GNL1: variants seen among roughly 807,000 people sequenced by gnomAD.
GNL1 encodes the protein G protein nucleolar 1, also known as guanine nucleotide-binding protein-like 1.
In GNL1, 21 loss-of-function variants were observed where a neutral mutation model predicts 75.2. That is an observed-to-expected ratio of 0.28 (90% CI 0.20 to 0.40). The LOEUF (loss-of-function observed/expected upper bound fraction) is 0.40. Among genes scored for constraint, GNL1 ranks in the 10% least tolerant of loss-of-function variants. The pLI, the probability that GNL1 is intolerant of heterozygous loss-of-function variation, is 1.00. For missense variants in GNL1, 579 were observed against 775.0 expected, an observed-to-expected ratio of 0.75 and a Z score of 3.00; for synonymous variants, 287 against 303.4, an observed-to-expected ratio of 0.95 and a Z score of 0.56.
At chr6:30,553,602 A>G in intron 5 of GNL1, 45 bp from the exon 6 acceptor site, 5 of 1,386,700 alleles carry the variant, frequency 3.6e-6, no homozygotes, top group Non-Finnish European at 5.1e-6. Context: ...AAGTCAACCC[A>G]GAGTTCTCTG....
chr6:30,550,407 C>T (rs1799702095), intron 8 of GNL1, among the ~76,000 whole-genome samples: 1 of 152,140 alleles, frequency 6.6e-6, no homozygotes, highest in African/African-American at 2.4e-5. Flanking sequence ...TTTATCCTCA[C>T]TTTCCTTCAC....
At position 30,556,282 on chromosome 6, in the gene GNL1, C is replaced by T; in HGVS notation, c.-79G>A. The T allele has an allele frequency of 6.4e-7, 1 of 1,551,000 alleles. No individual in the cohort carries two copies. The highest frequency in any genetic ancestry group is 8.8e-7 in the Non-Finnish European group (1 of 1,140,928). On this transcript the variant is annotated 5_prime_UTR_variant, in exon 1 of 12. Transcript: ENST00000376621. The surrounding 1 kb of genome is among the most constrained non-coding windows in gnomAD (Gnocchi z 5.7). ...GACTGCCCCCCGGGGCAGCCCCCGC[C>T]GCAGGGGCCCGGGACCCTAGAGGAG...
rs776151022 is a variant in GNL1, at chr6:30,555,033, T to C, written c.376+22A>G. On this transcript the variant is annotated intron_variant, in intron 3 of 11. Transcript: ENST00000376621. The surrounding 1 kb of genome is among the most constrained non-coding windows in gnomAD (Gnocchi z 4.3). Reference sequence around the variant, plus strand: ...TTTCCAAACTCCTTCCCCAGCCCAATGCCTGTCTTGCTCTCACTCACCTGA... The same window carrying C: ...TTTCCAAACTCCTTCCCCAGCCCAACGCCTGTCTTGCTCTCACTCACCTGA... 3.3e-5 allele frequency: 54 copies of C among 1,612,782 alleles called. No individual in the cohort carries two copies. The highest frequency in any genetic ancestry group is 4.4e-5 in the Non-Finnish European group (52 of 1,179,938).
intron 5 of GNL1, among the ~76,000 whole-genome samples, chr6:30,553,961 TTG>T (rs1198051002): frequency 3.9e-5 from 6 of 152,210 alleles, no homozygotes; most frequent in Non-Finnish European, 8.8e-5. Context: ...GTGTGCATGT[TTG>T]TGTGTTAATG....
Position 30,544,546 on chromosome 6 carries a change from A to T in GNL1, c.*1526T>A, listed in dbSNP as rs965137773. ...AGAGCCCCAGATGGGAGACAGGTGGATTTTTCTCTCAGCTGGGACCTTTTC... is the reference window on the plus strand; with the variant it reads ...AGAGCCCCAGATGGGAGACAGGTGGTTTTTTCTCTCAGCTGGGACCTTTTC... On this transcript the variant is annotated 3_prime_UTR_variant, in exon 12 of 12. Coordinates refer to ENST00000376621, the MANE Select transcript of GNL1 (RefSeq NM_005275.5). 5.3e-5 allele frequency: 8 copies of T among 152,096 alleles called. No homozygotes were observed. In the East Asian group the frequency reaches 1.3e-3, roughly 26 times the overall value. The allele number at this position is 152,096 out of a possible 1,614,324, so 9.4% of individuals were successfully genotyped here.
chr6:30,551,186 C>A (rs912471839), intron 8 of GNL1, among the ~76,000 whole-genome samples: 2 of 152,116 alleles, frequency 1.3e-5, no homozygotes, highest in Non-Finnish European at 2.9e-5. Context: ...GGTGCCTGTG[C>A]CACAGCAAAC....
At position 30,541,830 on chromosome 6, in the gene GNL1, A is replaced by C. The variant is rs1799184191; in HGVS notation, c.*4242T>G. The stretch of plus-strand genomic sequence containing the variant: ...AGCCGTATCAGTGCGAACCAGCTGA[A>C]TGTCAGCGCTGTTCCCTCCTGTGAC... On this transcript the variant is annotated 3_prime_UTR_variant, in exon 12 of 12. Transcript: ENST00000376621. 1.3e-5 allele frequency: 2 copies of C among 152,168 alleles called. No homozygotes were observed. Among genetic ancestry groups the C allele is most frequent in the African/African-American group, 4.8e-5 (2 of 41,420 alleles). The allele number at this position is 152,168 out of a possible 1,614,324, so 9.4% of individuals were successfully genotyped here.
In GNL1 at chr6:30,546,310, G is replaced by C; in HGVS notation, c.1586C>G (p.Thr529Ser). 6.3e-7 allele frequency: 1 copy of C among 1,590,992 alleles called. No individual in the cohort carries two copies. The highest frequency in any genetic ancestry group is 8.6e-7 in the Non-Finnish European group (1 of 1,169,106). Residue 529 changes from threonine (T) to serine (S), a missense_variant, in exon 12 of 12, where the codon ACC (threonine) becomes AGC (serine). Coordinates refer to ENST00000376621, the MANE Select transcript of GNL1 (RefSeq NM_005275.5). The surrounding 1 kb of genome is among the most constrained non-coding windows in gnomAD (Gnocchi z 5.1). ...HPPGYSEQKG[T>S]WESHPETTEL... ...CGTGGTCTCTGGATGGGACTCCCAG[G>C]TGCCTGGGGAACCAAAACAAGAAAA...
intron 4 of GNL1, 25 bp downstream of exon 4, chr6:30,554,739 T>A: frequency 6.2e-7 from 1 of 1,611,758 alleles, no homozygotes; most frequent in Non-Finnish European, 8.5e-7. Flanking sequence ...TATGCCCCAC[T>A]CCTGTCCCTA....
chr6:30,552,335 C>G lies in GNL1; in HGVS notation c.1099+132G>C. On this transcript the variant is annotated intron_variant, in intron 8 of 11. Transcript: ENST00000376621. The surrounding 1 kb of genome is among the most constrained non-coding windows in gnomAD (Gnocchi z 4.5). ...CAGCAGACGCCTCTTCTGCCTTGCC[C>G]ACCGCCACTGGCAGAGATCACCCCT... The G allele has an allele frequency of 1.5e-6, 1 of 688,734 alleles. No individual in the cohort carries two copies. The highest frequency in any genetic ancestry group is 2.0e-5 in the South Asian group (1 of 48,988). The allele number at this position is 688,734 out of a possible 1,614,324, so 42.7% of individuals were successfully genotyped here. A position where few individuals can be genotyped will look rare whatever the true frequency, so the allele number is the denominator to read the frequency against.
In GNL1 at chr6:30,555,439, G is replaced by C; in HGVS notation, c.239+116C>G. ...CGCTGTGGGGAGCCGAGTGGCTAGCGGAGAACTGTGGCATCCCAGGCCCAC... is the reference window on the plus strand; with the variant it reads ...CGCTGTGGGGAGCCGAGTGGCTAGCCGAGAACTGTGGCATCCCAGGCCCAC... On this transcript the variant is annotated intron_variant, in intron 2 of 11. Transcript: ENST00000376621. The surrounding 1 kb of genome is among the most constrained non-coding windows in gnomAD (Gnocchi z 4.3). 9.2e-7 allele frequency: 1 copy of C among 1,089,538 alleles called. No individual in the cohort carries two copies. The highest frequency in any genetic ancestry group is 1.3e-6 in the Non-Finnish European group (1 of 746,954). The allele number at this position is 1,089,538 out of a possible 1,614,324, so 67.5% of individuals were successfully genotyped here.
At chr6:30,550,074 C>A (rs181496234) in intron 8 of GNL1, among the ~76,000 whole-genome samples, 1 of 152,296 alleles carries the variant, frequency 6.6e-6, no homozygotes, top group East Asian at 1.9e-4. Flanking sequence ...GATCCACCTG[C>A]CTCAGCCTCC....
At position 30,543,629 on chromosome 6, in the gene GNL1, G is replaced by A. The variant is rs1364943565; in HGVS notation, c.*2443C>T. The A allele has an allele frequency of 2.0e-5, 3 of 152,090 alleles. No individual in the cohort carries two copies. The allele number at this position is 152,090 out of a possible 1,614,324, so 9.4% of individuals were successfully genotyped here. On this transcript the variant is annotated 3_prime_UTR_variant, in exon 12 of 12. Coordinates refer to ENST00000376621, the MANE Select transcript of GNL1 (RefSeq NM_005275.5). ...TCTATTCCTACCCTCTATTGCTTGA[G>A]AGTAGGATATTGCCTTATTCAATTT...
In GNL1 at chr6:30,554,750, G is replaced by A; in HGVS notation, c.528+14C>T. On this transcript the variant is annotated intron_variant, in intron 4 of 11. Coordinates refer to ENST00000376621, the MANE Select transcript of GNL1 (RefSeq NM_005275.5). ...TCACTATGCCCCACTCCTGTCCCTAGAGTACACTGTCACCTCCAGATTGTG... is the reference window on the plus strand; with the variant it reads ...TCACTATGCCCCACTCCTGTCCCTAAAGTACACTGTCACCTCCAGATTGTG... 1 of 1,612,452 alleles carries A rather than the reference G, an allele frequency of 6.2e-7. No homozygotes were observed. Among genetic ancestry groups the A allele is most frequent in the African/African-American group, 1.3e-5 (1 of 75,002 alleles).
rs1416693427 is a variant in GNL1 at position 30,552,236 on chromosome 6, CA to C, written c.1099+230del. On this transcript the variant is annotated intron_variant, in intron 8 of 11. Transcript: ENST00000376621. This position sits in a 1 kb window ranked among gnomAD's most constrained non-coding sequence, Gnocchi z 4.5. ...TCAAAGTAACTAAGACTCAGAGTAG[CA>C]AAATCACTTACTCAAGACCTCACAG... 4.3e-5 allele frequency: 21 copies of C among 488,716 alleles called. No individual in the cohort carries two copies. The highest frequency in any genetic ancestry group is 6.9e-5 in the Non-Finnish European group (19 of 276,166). 30.3% of individuals were successfully genotyped at this position (488,716 alleles called of 1,614,324 possible). A position where few individuals can be genotyped will look rare whatever the true frequency, so the allele number is the denominator to read the frequency against.
At position 30,541,819 on chromosome 6, in the gene GNL1, G is replaced by A. The variant is rs1372644875; in HGVS notation, c.*4253C>T. On this transcript the variant is annotated 3_prime_UTR_variant, in exon 12 of 12. Coordinates refer to ENST00000376621, the MANE Select transcript of GNL1 (RefSeq NM_005275.5). ...CAAACTGGTTGAGCCGTATCAGTGC[G>A]AACCAGCTGAATGTCAGCGCTGTTC... The A allele has an allele frequency of 6.6e-6, 1 of 152,152 alleles. No homozygotes were observed. The highest frequency in any genetic ancestry group is 2.4e-5 in the African/African-American group (1 of 41,424). The allele number at this position is 152,152 out of a possible 1,614,324, so 9.4% of individuals were successfully genotyped here.
Position 30,546,739 on chromosome 6 carries a change from G to A in GNL1, c.1539C>T (p.Arg513=). 2 of 1,610,460 alleles carry A rather than the reference G, an allele frequency of 1.2e-6. No individual in the cohort carries two copies. The highest frequency in any genetic ancestry group is 1.1e-5 in the South Asian group (1 of 91,030). The change falls in exon 11 of 12, where the codon CGC becomes CGT. Residue 513 remains arginine (R), a synonymous_variant. Transcript: ENST00000376621. The surrounding 1 kb of genome is among the most constrained non-coding windows in gnomAD (Gnocchi z 5.1). ...CTGGGGGATGAAAACACAGGCTGAG[G>A]CGGCCGTCCACTGCCAGCCGCAAGA... ...NSLLRLAVDG[R]LSLCFHPPGY... is the part of the protein sequence containing the mutation.
In GNL1 at chr6:30,556,056, G is replaced by T; in HGVS notation, c.73+75C>A. ...CGACCCCCTCCCACGATCCCCAGAG[G>T]TGCAGCGGGCACACCCCTCCTTCCA... On this transcript the variant is annotated intron_variant, in intron 1 of 11. Transcript: ENST00000376621. This position sits in a 1 kb window ranked among gnomAD's most constrained non-coding sequence, Gnocchi z 5.7. The T allele has an allele frequency of 6.4e-7, 1 of 1,554,390 alleles. No individual in the cohort carries two copies. Among genetic ancestry groups the T allele is most frequent in the Non-Finnish European group, 8.8e-7 (1 of 1,140,226 alleles).
At chr6:30,553,264 C>A in intron 6 of GNL1, 85 bp from the exon 7 acceptor site, 1 of 1,441,414 alleles carries the variant, frequency 6.9e-7, no homozygotes, top group Non-Finnish European at 9.8e-7. Flanking sequence ...GACCAGGTGC[C>A]CCCTTGTCAA....
Sources: allele counts gnomAD v4.1 joint callset (sites outside exome capture counted in the v4.1 genomes callset), GRCh38; gene constraint gnomAD v4.1.1; non-coding constraint Gnocchi (gnomAD v3.1); transcripts MANE v1.5; gene names NCBI Gene and HGNC (gene_info 2026-07-23, HGNC 2026-07-21).